COL8A1: variants seen among roughly 807,000 people sequenced by gnomAD.
COL8A1 encodes collagen alpha-1(VIII) chain.
A neutral mutation model predicts 42.7 loss-of-function variants in COL8A1; 21 were observed. The observed-to-expected ratio is 0.49, with a 90% CI of 0.35 to 0.71. COL8A1 has a LOEUF of 0.71. Among genes scored for constraint, COL8A1 ranks in the 30% least tolerant of loss-of-function variants. The probability of loss-of-function intolerance (pLI) is 0.01; values close to 1 mark genes in which losing one functional copy is unlikely to be tolerated. For missense variants in COL8A1, 788 were observed against 962.4 expected (o/e 0.82, Z 2.40); for synonymous variants, 367 against 369.1 (o/e 0.99, Z 0.06).
chr3:99,730,632 G>A (rs1057319930), intron 1 of COL8A1, among the ~76,000 whole-genome samples: 1 of 152,064 alleles, frequency 6.6e-6, no homozygotes, highest in African/African-American at 2.4e-5. Context: ...TGAAAGGAAA[G>A]TCTTTTTATT....
chr3:99,720,706 T>C (rs1308418781), intron 1 of COL8A1, among the ~76,000 whole-genome samples: 1 of 152,148 alleles, frequency 6.6e-6, no homozygotes, highest in African/African-American at 2.4e-5. Flanking sequence ...AATTGGCTCA[T>C]CATAGCAAAA....
At chr3:99,720,697 A>G (rs914214165) in intron 1 of COL8A1, among the ~76,000 whole-genome samples, 4 of 152,182 alleles carry the variant, frequency 2.6e-5, no homozygotes, top group Non-Finnish European at 4.4e-5. Context: ...CTCTGTGTGA[A>G]TTGGCTCATC....
intron 1 of COL8A1, among the ~76,000 whole-genome samples, chr3:99,680,614 A>T (rs918166796): frequency 3.3e-5 from 5 of 152,286 alleles, no homozygotes; most frequent in African/African-American, 4.8e-5. Flanking sequence ...TCCCACCAAC[A>T]GTGTAAAAGT....
At chr3:99,678,241 T>G (rs879929262) in intron 1 of COL8A1, 3 of 152,012 alleles carry the variant, frequency 2.0e-5, no homozygotes, top group African/African-American at 4.8e-5. Context: ...GGCCATACAA[T>G]TCCCAAAACA....
chr3:99,798,388 G>A lies in COL8A1; in HGVS notation c.*2252G>A, dbSNP rs1429628880. 6.6e-6 allele frequency: 1 copy of A among 152,048 alleles called. No individual in the cohort carries two copies. The highest frequency in any genetic ancestry group is 1.5e-5 in the Non-Finnish European group (1 of 68,010). The allele number at this position is 152,048 out of a possible 1,614,324, so 9.4% of individuals were successfully genotyped here. A position where few individuals can be genotyped will look rare whatever the true frequency, so the allele number is the denominator to read the frequency against. On this transcript the variant is annotated 3_prime_UTR_variant, in exon 4 of 4. Transcript: ENST00000652472. ...TGGTTTTGGGCTGATGACTATGGTG[G>A]GCAGCATGGATCCATTGGGCTCCTT...
Position 99,790,935 on chromosome 3 carries a change from C to A in COL8A1, c.253C>A (p.His85Asn). The change falls in exon 3 of 4, where the codon CAC becomes AAC. Residue 85 changes from histidine to asparagine, a missense_variant. Physicochemically the swap from His to Asn is moderately conservative, Grantham distance 68. Around this residue, in one of 4 missense-constraint regions of COL8A1, gnomAD observed 421 missense variants for 553.1 expected, o/e 0.76. Coordinates refer to ENST00000652472, the MANE Select transcript of COL8A1 (RefSeq NM_020351.4). ...PHLQYGKEYP[H>N]LPQYMKEIQP... is the part of the protein sequence containing the mutation. ...CTTGCAGTATGGCAAAGAGTATCCA[C>A]ACCTACCCCAATATATGAAGGAAAT... 6.2e-7 allele frequency: 1 copy of A among 1,614,230 alleles called. No individual in the cohort carries two copies. Among genetic ancestry groups the A allele is most frequent in the Non-Finnish European group, 8.5e-7 (1 of 1,180,024 alleles).
At chr3:99,693,312 T>C (rs9833844) in intron 1 of COL8A1, among the ~76,000 whole-genome samples, 1 of 152,192 alleles carries the variant, frequency 6.6e-6, no homozygotes, top group Non-Finnish European at 1.5e-5. Flanking sequence ...ATCATTATTT[T>C]AGAGTGTACT....
chr3:99,776,610 C>T (rs1941697968), intron 2 of COL8A1, among the ~76,000 whole-genome samples: 1 of 152,086 alleles, frequency 6.6e-6, no homozygotes. Flanking sequence ...AATCCAGACC[C>T]CAAGAGAGGT....
intron 1 of COL8A1, chr3:99,680,504 T>C (rs1938839296): frequency 6.6e-6 from 1 of 152,216 alleles, no homozygotes; most frequent in African/African-American, 2.4e-5. Context: ...CCTTTGGGTA[T>C]ATACCCAGTA....
chr3:99,720,750 G>C (rs1020884362), intron 1 of COL8A1, among the ~76,000 whole-genome samples: 2 of 152,068 alleles, frequency 1.3e-5, no homozygotes, highest in African/African-American at 4.8e-5. Context: ...TTGAGAAAAT[G>C]GAAGAACTGT....
chr3:99,745,982 A>C (rs577678407), intron 2 of COL8A1, among the ~76,000 whole-genome samples: 71 of 152,256 alleles, frequency 4.7e-4, no homozygotes, highest in African/African-American at 1.5e-3. Context: ...ATAATAGTAC[A>C]ATGGTTTTTA....
At chr3:99,764,184 A>C (rs1215303801) in intron 2 of COL8A1, among the ~76,000 whole-genome samples, 2 of 152,184 alleles carry the variant, frequency 1.3e-5, no homozygotes, top group Non-Finnish European at 2.9e-5. Context: ...TTTGTGCATA[A>C]GAATTTTCTT....
intron 1 of COL8A1, among the ~76,000 whole-genome samples, chr3:99,682,912 G>A (rs1454020709): frequency 6.6e-6 from 1 of 152,188 alleles, no homozygotes; most frequent in African/African-American, 2.4e-5. Context: ...AAGGGATTTG[G>A]GTTGCAGAGG....
At chr3:99,787,501 A>G (rs1941918204) in intron 2 of COL8A1, among the ~76,000 whole-genome samples, 2 of 152,112 alleles carry the variant, frequency 1.3e-5, no homozygotes, top group South Asian at 4.1e-4. Flanking sequence ...TTGACATTTT[A>G]GTTGGTTTTG....
chr3:99,791,462 G>A (rs1941999028), intron 3 of COL8A1, among the ~76,000 whole-genome samples: 2 of 152,188 alleles, frequency 1.3e-5, no homozygotes, highest in Admixed American at 1.3e-4. Context: ...AAAGCATTTT[G>A]CGAACTAAGT....
At chr3:99,791,978 G>A (rs911587689) in intron 3 of COL8A1, among the ~76,000 whole-genome samples, 2 of 152,188 alleles carry the variant, frequency 1.3e-5, no homozygotes, top group African/African-American at 4.8e-5. Context: ...TGCTACAACT[G>A]CTCATTCAAC....
intron 1 of COL8A1, among the ~76,000 whole-genome samples, chr3:99,727,728 T>C (rs1364065520): frequency 6.6e-6 from 1 of 151,984 alleles, no homozygotes; most frequent in Non-Finnish European, 1.5e-5. Context: ...TGAACATTGA[T>C]GCAAAAATCC....
rs2107461217 is a variant in COL8A1 at position 99,796,012 on chromosome 3, C to T, written c.2111C>T (p.Ala704Val). 6 of 1,613,906 alleles carry T rather than the reference C, an allele frequency of 3.7e-6. No individual in the cohort carries two copies. The highest frequency in any genetic ancestry group is 1.7e-4 in the Middle Eastern group (1 of 6,060). ...KGFLDQASGS[A>V]VLLLRPGDRV... Reference sequence around the variant, plus strand: ...TTCCTGGACCAGGCATCTGGGAGTGCAGTGCTGCTGCTCAGGCCCGGAGAC... The same window carrying T: ...TTCCTGGACCAGGCATCTGGGAGTGTAGTGCTGCTGCTCAGGCCCGGAGAC... Residue 704 changes from alanine (A) to valine (V), a missense_variant, in exon 4 of 4, where the codon GCA (alanine) becomes GTA (valine). This residue lies in a region of COL8A1 where 212 missense variants were observed against 210.9 expected (regional missense o/e 1.00). Coordinates refer to ENST00000652472, the MANE Select transcript of COL8A1 (RefSeq NM_020351.4).
chr3:99,722,409 C>A lies in COL8A1; in HGVS notation c.-128-22488C>A, dbSNP rs139641099. On this transcript the variant is annotated intron_variant, in intron 1 of 3. Coordinates refer to ENST00000652472, the MANE Select transcript of COL8A1 (RefSeq NM_020351.4). ...AAAAACCCACCAAGCTGTAAACTTA[C>A]ACCCTTTGACATTAATCTGTCATAT... is the stretch of plus-strand genomic sequence containing the variant. Among the ~76,000 whole-genome samples the A allele has an allele frequency of 9.7e-4, 147 of 152,248 alleles. 1 individual carries two copies. The highest frequency in any genetic ancestry group is 3.1e-3 in the African/African-American group (128 of 41,564).
Sources: allele counts gnomAD v4.1 joint callset (sites outside exome capture counted in the v4.1 genomes callset), GRCh38; gene constraint gnomAD v4.1.1; regional missense constraint gnomAD v4.1.1; transcripts MANE v1.5; gene names NCBI Gene and HGNC (gene_info 2026-07-23, HGNC 2026-07-21).